The following GINM1 variants were observed in gnomAD, a reference collection of about 807,000 sequenced individuals.
The protein encoded by GINM1 is glycoprotein integral membrane protein 1.
GINM1 carries 29 observed loss-of-function variants against 37.8 expected under a neutral mutation model. The ratio of observed to expected loss-of-function variants is 0.77; its 90% CI spans 0.57 to 1.05. The LOEUF is 1.05. Ranked by LOEUF, GINM1 falls within the 50% of genes least tolerant of loss-of-function variation. GINM1 has a pLI of 0.00. For synonymous variants in GINM1, 143 were observed against 146.2 expected (o/e 0.98, Z 0.16); for missense variants, 377 against 397.9 (o/e 0.95, Z 0.45).
At chr6:149,583,197 G>T (rs1245290363) in intron 7 of GINM1, among the ~76,000 whole-genome samples, 1 of 152,148 alleles carries the variant, frequency 6.6e-6, no homozygotes, top group Non-Finnish European at 1.5e-5. Context: ...GGACCTGGTG[G>T]CTCATGCCTG....
rs113946399 is a variant in GINM1 at position 149,591,117 on chromosome 6, T to C, written c.*279T>C. 1,471 of 214,722 alleles carry C rather than the reference T, an allele frequency of 6.9e-3. 22 individuals carry two copies. The highest frequency in any genetic ancestry group is 0.045 in the African/African-American group (1,321 of 29,108). 13.3% of individuals were successfully genotyped at this position (214,722 alleles called of 1,614,324 possible). On this transcript the variant is annotated 3_prime_UTR_variant, in exon 8 of 8. Transcript: ENST00000367419. ...CCATCCTGCCAACATGGTGAAACCCTGTCTCTACTAAAAAAAATAAAAAAA... is the reference window on the plus strand; with the variant it reads ...CCATCCTGCCAACATGGTGAAACCCCGTCTCTACTAAAAAAAATAAAAAAA...
At chr6:149,586,041 A>G (rs973858104) in intron 7 of GINM1, among the ~76,000 whole-genome samples, 1 of 152,154 alleles carries the variant, frequency 6.6e-6, no homozygotes, top group Non-Finnish European at 1.5e-5. Flanking sequence ...TTTGCTTTTT[A>G]TCATAGTAAC....
intron 7 of GINM1, among the ~76,000 whole-genome samples, chr6:149,587,263 C>T (rs1040602367): frequency 5.3e-5 from 8 of 152,116 alleles, no homozygotes; most frequent in African/African-American, 1.4e-4. Context: ...GATTTTTCAC[C>T]ACCAATAACT....
chr6:149,579,222 A>G lies in GINM1; in HGVS notation c.429+249A>G, dbSNP rs73781238. Among the ~76,000 whole-genome samples, 1,031 of 152,310 alleles carry G rather than the reference A, an allele frequency of 6.8e-3. 14 individuals are homozygous for G. Among genetic ancestry groups the G allele is most frequent in the African/African-American group, 0.024 (982 of 41,570 alleles). Reference sequence around the variant, plus strand: ...GACATTATTAAATAGAAAGTAAGCAAAGAGATTCAATTTGGCTCATAGTTC... The same window carrying G: ...GACATTATTAAATAGAAAGTAAGCAGAGAGATTCAATTTGGCTCATAGTTC... On this transcript the variant is annotated intron_variant, in intron 4 of 7. Transcript: ENST00000367419.
intron 7 of GINM1, among the ~76,000 whole-genome samples, chr6:149,587,101 CAT>C (rs1351368203): frequency 5.3e-5 from 8 of 152,138 alleles, no homozygotes; most frequent in African/African-American, 1.7e-4. Flanking sequence ...TTTTAACTGA[CAT>C]GTCATAATTA....
rs532002308 is a variant in GINM1 at position 149,571,548 on chromosome 6, T to TAG, written c.121-727_121-726dup. On this transcript the variant is annotated intron_variant, in intron 1 of 7. Transcript: ENST00000367419. Reference sequence around the variant, plus strand: ...AGATAAAACTAAGCAACATATTGTTTAGAGAGAGAGACACAGGTAGTAAAA... The same window carrying TAG: ...AGATAAAACTAAGCAACATATTGTTTAGAGAGAGAGAGACACAGGTAGTAAAA... Among the ~76,000 whole-genome samples the TAG allele has an allele frequency of 8.0e-4, 121 of 152,086 alleles. 1 individual carries two copies. The highest frequency in any genetic ancestry group is 2.7e-3 in the African/African-American group (113 of 41,482).
Position 149,579,935 on chromosome 6 carries a change from C to T in GINM1, c.531C>T (p.Tyr177=), listed in dbSNP as rs1777973517. The T allele has an allele frequency of 1.2e-6, 2 of 1,610,796 alleles. No individual in the cohort carries two copies. The highest frequency in any genetic ancestry group is 2.7e-5 in the African/African-American group (2 of 74,828). Residue 177 remains tyrosine, a synonymous_variant, in exon 5 of 8, where the codon TAC becomes TAT. Transcript: ENST00000367419. ...YTLPLEESML[Y]SISRDSDILF... Reference sequence around the variant, plus strand: ...TCCCTTTGGAAGAAAGCATGCTCTACTCTATTTCTCGAGACAGTGACATTT... The same window carrying T: ...TCCCTTTGGAAGAAAGCATGCTCTATTCTATTTCTCGAGACAGTGACATTT...
At position 149,575,247 on chromosome 6, in the gene GINM1, G is replaced by A. The variant is rs144836001; in HGVS notation, c.277+2644G>A. 2.2e-3 allele frequency among the ~76,000 whole-genome samples: 331 copies of A among 152,152 alleles called. 2 individuals are homozygous for A. In the East Asian group the frequency reaches 0.024, roughly 11 times the overall value. On this transcript the variant is annotated intron_variant, in intron 3 of 7. Coordinates refer to ENST00000367419, the MANE Select transcript of GINM1 (RefSeq NM_138785.5). ...TGTGCCCTGGTTGTCATTTTCCTTC[G>A]GCCTAAAGAATTCCCTTTGGTATTT... is the stretch of plus-strand genomic sequence containing the variant.
intron 3 of GINM1, 69 bp from the exon 4 acceptor site, chr6:149,578,753 A>C: frequency 2.8e-6 from 3 of 1,086,256 alleles, no homozygotes; most frequent in Non-Finnish European, 4.0e-6. Context: ...TGTCATCAAA[A>C]TAATCACACT....
At chr6:149,572,235 T>C (rs1247983009) in intron 1 of GINM1, 50 bp from the exon 2 acceptor site, 2 of 1,103,554 alleles carry the variant, frequency 1.8e-6, no homozygotes, top group East Asian at 4.8e-5. Flanking sequence ...CACGTTGTTC[T>C]CAATCTGTGA....
intron 6 of GINM1, 120 bp from the exon 7 acceptor site, chr6:149,582,319 CT>C (rs1470868180): frequency 2.4e-6 from 2 of 837,912 alleles, no homozygotes; most frequent in African/African-American, 3.5e-5. Flanking sequence ...ACCCATGTAA[CT>C]ACCAGCACAA....
chr6:149,568,892 C>G (rs887847081), intron 1 of GINM1, among the ~76,000 whole-genome samples: 1 of 152,144 alleles, frequency 6.6e-6, no homozygotes, highest in Non-Finnish European at 1.5e-5. Flanking sequence ...AGTGCAGTGG[C>G]ATGATCTCGG....
intron 7 of GINM1, among the ~76,000 whole-genome samples, chr6:149,588,360 C>T (rs1455492287): frequency 6.6e-6 from 1 of 152,142 alleles, no homozygotes; most frequent in African/African-American, 2.4e-5. Flanking sequence ...AGCCTCTGGC[C>T]ATTTTTCAAT....
chr6:149,587,758 A>G (rs1467016989), intron 7 of GINM1, among the ~76,000 whole-genome samples: 1 of 152,118 alleles, frequency 6.6e-6, no homozygotes, highest in Non-Finnish European at 1.5e-5. Context: ...GATTGATTAC[A>G]TCATTGGTCA....
At chr6:149,582,733 A>G (rs1450782185) in intron 7 of GINM1, 130 bp downstream of exon 7, 4 of 613,972 alleles carry the variant, frequency 6.5e-6, no homozygotes, top group Non-Finnish European at 1.1e-5. Flanking sequence ...AATAACACCT[A>G]CTGTTTTTCT....
At chr6:149,587,201 CTACT>C (rs1778081336) in intron 7 of GINM1, among the ~76,000 whole-genome samples, 1 of 152,068 alleles carries the variant, frequency 6.6e-6, no homozygotes, top group Non-Finnish European at 1.5e-5. Context: ...TTGGTTTTTC[CTACT>C]CTGACACTCT....
At chr6:149,572,411 A>G (rs1777841550) in intron 2 of GINM1, 67 bp downstream of exon 2, 20 of 1,296,868 alleles carry the variant, frequency 1.5e-5, no homozygotes, top group Non-Finnish European at 2.2e-5. Context: ...TTGATTTTTT[A>G]ACTTGCACGT....
intron 6 of GINM1, among the ~76,000 whole-genome samples, chr6:149,581,452 C>T (rs913610127): frequency 6.6e-6 from 1 of 152,196 alleles, no homozygotes; most frequent in Admixed American, 6.5e-5. Context: ...AGCCACCATC[C>T]CCGGCCGATA....
intron 7 of GINM1, 59 bp from the exon 8 acceptor site, chr6:149,590,668 C>G: frequency 1.1e-6 from 1 of 896,640 alleles, no homozygotes; most frequent in Non-Finnish European, 1.8e-6. Context: ...TTCTCACTAT[C>G]AAACTACAGG....
Sources: allele counts gnomAD v4.1 joint callset (sites outside exome capture counted in the v4.1 genomes callset), GRCh38; gene constraint gnomAD v4.1.1; transcripts MANE v1.5; gene names NCBI Gene and HGNC (gene_info 2026-07-23, HGNC 2026-07-21).